The following BTG4 variants were observed in gnomAD, a reference collection of about 807,000 sequenced individuals.
BTG4 encodes the protein protein BTG4.
In BTG4, 10 loss-of-function variants were observed where a neutral mutation model predicts 19.3. The ratio of observed to expected loss-of-function variants is 0.52; its 90% CI spans 0.32 to 0.88. BTG4 has a LOEUF of 0.88. Among genes scored for constraint, BTG4 ranks in the 40% least tolerant of loss-of-function variants. The pLI is 0.04. For synonymous variants in BTG4, 91 were observed against 95.7 expected (o/e 0.95, Z 0.29); for missense variants, 238 against 281.9 (o/e 0.84, Z 1.11).
rs1426096511 is a variant in BTG4 at position 111,497,209 on chromosome 11, A to G, written c.510+2T>C. On this transcript the variant is annotated splice_donor_variant, in intron 4 of 4. Coordinates refer to ENST00000692032, the MANE Select transcript of BTG4 (RefSeq NM_001367975.1). LOFTEE classifies it high-confidence loss of function. Reference sequence around the variant, plus strand: ...ATAGAAAAGAACTGGAACACTCTTGACCTGATAAATACTCTTCGGATTGCT... The same window carrying G: ...ATAGAAAAGAACTGGAACACTCTTGGCCTGATAAATACTCTTCGGATTGCT... 1 of 1,611,996 alleles carries G rather than the reference A, an allele frequency of 6.2e-7. No individual in the cohort carries two copies. Among genetic ancestry groups the G allele is most frequent in the Admixed American group, 1.7e-5 (1 of 59,862 alleles).
At chr11:111,463,788 G>T (rs1238765042), downstream of BTG4, among the ~76,000 whole-genome samples, 2 of 152,196 alleles carry the variant, frequency 1.3e-5, no homozygotes, top group Non-Finnish European at 2.9e-5. Context: ...CTCAAGGTGT[G>T]GGCCAGGACT....
chr11:111,444,754 A>G, the BTG4 span, among the ~76,000 whole-genome samples: 4 of 152,202 alleles, frequency 2.6e-5, no homozygotes, highest in Non-Finnish European at 5.9e-5. Context: ...AGGGAATCAA[A>G]TGAGATTTTT....
chr11:111,448,899 T>A, the BTG4 span, among the ~76,000 whole-genome samples: 1 of 152,134 alleles, frequency 6.6e-6, no homozygotes, highest in East Asian at 1.9e-4. Flanking sequence ...AAAAAAAAAA[T>A]TGTCTAAAAT....
At chr11:111,439,830 G>A in the BTG4 span, among the ~76,000 whole-genome samples, 17 of 152,238 alleles carry the variant, frequency 1.1e-4, no homozygotes, top group South Asian at 6.2e-4. Flanking sequence ...TCCTCCGCCC[G>A]GTCATTTTGA....
At chr11:111,490,241 C>T (rs890100404), downstream of BTG4, among the ~76,000 whole-genome samples, 2 of 151,612 alleles carry the variant, frequency 1.3e-5, no homozygotes, top group African/African-American at 2.4e-5. Context: ...CCATTGCACT[C>T]CAGCCTGGGC....
the BTG4 span, among the ~76,000 whole-genome samples, chr11:111,411,327 G>A: frequency 2.4e-3 from 367 of 152,060 alleles, no homozygotes; most frequent in Admixed American, 3.3e-3. Context: ...CCCCCTTGCC[G>A]CTCCTTGAAC....
At chr11:111,384,713 A>G in the BTG4 span, 9 of 152,200 alleles carry the variant, frequency 5.9e-5, no homozygotes, top group Admixed American at 5.9e-4. Flanking sequence ...AGGATGTTGC[A>G]AGAACTATGA....
the BTG4 span, among the ~76,000 whole-genome samples, chr11:111,437,278 G>C: frequency 1.3e-5 from 2 of 151,958 alleles, no homozygotes; most frequent in African/African-American, 4.8e-5. Flanking sequence ...AAAACGGGAG[G>C]AGTGTATTGA....
the BTG4 span, among the ~76,000 whole-genome samples, chr11:111,428,374 T>C: frequency 6.6e-6 from 1 of 152,190 alleles, no homozygotes; most frequent in Non-Finnish European, 1.5e-5. Context: ...CAAACCCCAC[T>C]GTATTGTTTC....
the BTG4 span, among the ~76,000 whole-genome samples, chr11:111,392,604 G>A: frequency 6.6e-6 from 1 of 152,128 alleles, no homozygotes; most frequent in East Asian, 1.9e-4. Flanking sequence ...GAGGCTGCCG[G>A]TCCAGGGATC....
intron 1 of BTG4, among the ~76,000 whole-genome samples, chr11:111,502,271 C>G (rs1381987768): frequency 6.6e-6 from 1 of 152,024 alleles, no homozygotes; most frequent in Non-Finnish European, 1.5e-5. Flanking sequence ...CACGCCCGGC[C>G]AAGACATTCT....
the BTG4 span, among the ~76,000 whole-genome samples, chr11:111,409,362 G>C: frequency 0.029 from 4,452 of 152,194 alleles, 97 homozygotes; most frequent in Middle Eastern, 0.13. Flanking sequence ...GCTTGTGGTG[G>C]GATGGCTTGG....
the BTG4 span, among the ~76,000 whole-genome samples, chr11:111,443,321 T>C: frequency 6.6e-6 from 1 of 152,184 alleles, no homozygotes; most frequent in Non-Finnish European, 1.5e-5. Flanking sequence ...TATGTGGTCC[T>C]GGAACAGAAA....
intron 5 of BTG4, among the ~76,000 whole-genome samples, chr11:111,484,477 G>A (rs1044059784): frequency 2.6e-5 from 4 of 152,096 alleles, no homozygotes; most frequent in African/African-American, 9.7e-5. Context: ...ATCAAAAAGT[G>A]AAAGCAGGGG....
chr11:111,454,463 A>G, the BTG4 span: 1 of 371,788 alleles, frequency 2.7e-6, no homozygotes, highest in Non-Finnish European at 5.2e-6. Context: ...TAGAGTCCAA[A>G]GAATATGGAA....
chr11:111,478,141 G>A (rs1327247416), intron 5 of BTG4, among the ~76,000 whole-genome samples: 1 of 152,100 alleles, frequency 6.6e-6, no homozygotes, highest in African/African-American at 2.4e-5. Context: ...CTGCTGTAGT[G>A]GAATCAGAGG....
At chr11:111,465,212 T>C (rs1488214263), downstream of BTG4, among the ~76,000 whole-genome samples, 2 of 152,184 alleles carry the variant, frequency 1.3e-5, no homozygotes, top group Non-Finnish European at 1.5e-5. Flanking sequence ...TAACAGAAAA[T>C]GCATGTGTGC....
At chr11:111,419,741 T>C in the BTG4 span, among the ~76,000 whole-genome samples, 1 of 152,214 alleles carries the variant, frequency 6.6e-6, no homozygotes, top group African/African-American at 2.4e-5. Flanking sequence ...GGAACTGACA[T>C]GGAGCAGAGA....
At chr11:111,403,430 G>A in the BTG4 span, among the ~76,000 whole-genome samples, 1 of 152,130 alleles carries the variant, frequency 6.6e-6, no homozygotes, top group African/African-American at 2.4e-5. Flanking sequence ...ATGGGCTAAG[G>A]TCTCCTTTAC....
Sources: allele counts gnomAD v4.1 joint callset (sites outside exome capture counted in the v4.1 genomes callset), GRCh38; gene constraint gnomAD v4.1.1; transcripts MANE v1.5; gene names NCBI Gene and HGNC (gene_info 2026-07-23, HGNC 2026-07-21).